The following DOCK3 variants were observed in gnomAD, a reference collection of about 807,000 sequenced individuals.
DOCK3 encodes dedicator of cytokinesis protein 3.
A neutral mutation model predicts 265.6 loss-of-function variants in DOCK3; 60 were observed. The observed-to-expected ratio is 0.23, with a 90% CI of 0.18 to 0.28. DOCK3 has a LOEUF of 0.28. Ranked by LOEUF, DOCK3 falls within the 10% of genes least tolerant of loss-of-function variation. DOCK3 has a pLI of 1.00. For synonymous variants in DOCK3, 881 were observed against 938.0 expected (o/e 0.94, Z 1.11); for missense variants, 1,981 against 2,594.3 (o/e 0.76, Z 5.14).
intron 3 of DOCK3, among the ~76,000 whole-genome samples, chr3:50,889,225 A>G (rs1369042667): frequency 1.3e-5 from 2 of 151,880 alleles, no homozygotes; most frequent in African/African-American, 4.8e-5. Context: ...CTAGGACTAC[A>G]GGTGTGCACC....
At chr3:50,905,968 A>G (rs1245010269) in intron 4 of DOCK3, among the ~76,000 whole-genome samples, 3 of 152,052 alleles carry the variant, frequency 2.0e-5, no homozygotes, top group African/African-American at 2.4e-5. Flanking sequence ...AGTTTTTAGC[A>G]TGAAGGGCTG....
chr3:50,688,784 G>A (rs2035017196), intron 1 of DOCK3, among the ~76,000 whole-genome samples: 1 of 152,032 alleles, frequency 6.6e-6, no homozygotes, highest in Non-Finnish European at 1.5e-5. Flanking sequence ...TTTAAATGCA[G>A]CTTTCTTTAT....
chr3:51,348,327 A>G lies in DOCK3; in HGVS notation c.3916-525A>G, dbSNP rs1325150528. Among the ~76,000 whole-genome samples the G allele has an allele frequency of 1.3e-5, 2 of 152,218 alleles. 1 individual carries two copies. The highest frequency in any genetic ancestry group is 1.3e-4 in the Admixed American group (2 of 15,278). On this transcript the variant is annotated intron_variant, in intron 38 of 52. Transcript: ENST00000266037. ...CAGACCTACTGCCAAGTCCTTGAGT[A>G]GGCATTTTCTTCTTGGTTTCCATAC...
At chr3:51,260,552 A>C (rs1434223848) in intron 23 of DOCK3, among the ~76,000 whole-genome samples, 1 of 152,202 alleles carries the variant, frequency 6.6e-6, no homozygotes, top group African/African-American at 2.4e-5. Flanking sequence ...TATGTTGGAG[A>C]AGAAGCACAA....
At chr3:51,171,250 A>T (rs2086662891) in intron 12 of DOCK3, among the ~76,000 whole-genome samples, 1 of 152,076 alleles carries the variant, frequency 6.6e-6, no homozygotes, top group Non-Finnish European at 1.5e-5. Context: ...ATTTTCATTT[A>T]TCTCAAGGTA....
At chr3:51,231,061 C>CA (rs2090525990) in intron 19 of DOCK3, among the ~76,000 whole-genome samples, 1 of 151,530 alleles carries the variant, frequency 6.6e-6, no homozygotes, top group African/African-American at 2.4e-5. Context: ...TACATTCCCA[C>CA]CAACAAGGTA....
chr3:50,913,498 G>T (rs559424839), intron 4 of DOCK3, among the ~76,000 whole-genome samples: 6 of 151,990 alleles, frequency 3.9e-5, no homozygotes, highest in Non-Finnish European at 8.8e-5. Flanking sequence ...CAGTCCACTG[G>T]CTCTGGGCCC....
intron 1 of DOCK3, among the ~76,000 whole-genome samples, chr3:50,751,447 G>A (rs749832970): frequency 6.6e-6 from 1 of 152,068 alleles, no homozygotes. Flanking sequence ...ACAGGCCTCA[G>A]TGTGTGATGT....
chr3:51,228,136 G>GTAGGTAA, intron 17 of DOCK3, 48 bp downstream of exon 17: 2 of 1,577,934 alleles, frequency 1.3e-6, no homozygotes, highest in Non-Finnish European at 1.7e-6. Flanking sequence ...CTGCCCTGAG[G>GTAGGTAA]CCACTCTCAC....
chr3:50,906,282 T>C (rs1282419455), intron 4 of DOCK3, among the ~76,000 whole-genome samples: 1 of 152,108 alleles, frequency 6.6e-6, no homozygotes, highest in Non-Finnish European at 1.5e-5. Flanking sequence ...CCTCATAAAA[T>C]GAGTTAGGGA....
intron 12 of DOCK3, among the ~76,000 whole-genome samples, chr3:51,177,162 A>C (rs2087006963): frequency 6.6e-6 from 1 of 152,242 alleles, no homozygotes; most frequent in African/African-American, 2.4e-5. Flanking sequence ...CAAGTTGATA[A>C]CATTTCTTGG....
At chr3:51,159,331 G>T (rs1241430284) in intron 11 of DOCK3, 27 bp downstream of exon 11, 1 of 1,604,594 alleles carries the variant, frequency 6.2e-7, no homozygotes, top group Non-Finnish European at 8.5e-7. Flanking sequence ...CCATTCACAT[G>T]ACTAAGAATG....
At chr3:50,923,527 C>T (rs2050611568) in intron 4 of DOCK3, among the ~76,000 whole-genome samples, 1 of 152,118 alleles carries the variant, frequency 6.6e-6, no homozygotes, top group African/African-American at 2.4e-5. Flanking sequence ...TTGCTCTTCT[C>T]TAAATTGTAG....
In DOCK3 at chr3:51,362,633, C is replaced by CTG; in HGVS notation, c.5252_5253insTG (p.Pro1752AspfsTer5). On this transcript the variant is annotated frameshift_variant, in exon 49 of 53. Coordinates refer to ENST00000266037, the MANE Select transcript of DOCK3 (RefSeq NM_004947.5). LOFTEE classifies it high-confidence loss of function. ...TCCAGCCTGAGTTCCACTCACTCAG[C>CTG]ACCATCCCAGATGATTACCTCTGCC... The CTG allele has an allele frequency of 6.2e-7, 1 of 1,613,960 alleles. No individual in the cohort carries two copies. The highest frequency in any genetic ancestry group is 8.5e-7 in the Non-Finnish European group (1 of 1,179,870).
Position 51,359,287 on chromosome 3 carries a change from T to G in DOCK3, c.4884+1210T>G, listed in dbSNP as rs1394921922. Among the ~76,000 whole-genome samples the G allele has an allele frequency of 6.6e-6, 1 of 152,058 alleles. No homozygotes were observed. Among genetic ancestry groups the G allele is most frequent in the African/African-American group, 2.4e-5 (1 of 41,332 alleles). On this transcript the variant is annotated intron_variant, in intron 46 of 52. Coordinates refer to ENST00000266037, the MANE Select transcript of DOCK3 (RefSeq NM_004947.5). The surrounding 1 kb of genome is among the most constrained non-coding windows in gnomAD (Gnocchi z 4.8). ...GCAGGTCTCAGCCTGTGTGGACAAG[T>G]GTGGACAGCATGAAAAGAGAAAAAG...
intron 22 of DOCK3, among the ~76,000 whole-genome samples, chr3:51,253,394 G>A (rs1341397758): frequency 2.6e-5 from 4 of 152,180 alleles, no homozygotes; most frequent in Admixed American, 6.5e-5. Flanking sequence ...GAGTTAGGGA[G>A]GATTCCCTCT....
chr3:51,237,700 A>C (rs556672641), intron 21 of DOCK3, 110 bp downstream of exon 21: 2 of 929,736 alleles, frequency 2.2e-6, no homozygotes, highest in Non-Finnish European at 1.6e-6. Context: ...CTTTTTAAAA[A>C]TTTTATATTT....
chr3:50,977,478 G>C (rs374868953), intron 5 of DOCK3, among the ~76,000 whole-genome samples: 2 of 152,116 alleles, frequency 1.3e-5, no homozygotes, highest in East Asian at 1.9e-4. Context: ...GGCCCCCACT[G>C]TCTTCTGGCT....
Position 50,823,697 on chromosome 3 carries a change from G to T in DOCK3, c.122-17978G>T, listed in dbSNP as rs564515517. 1.4e-4 allele frequency among the ~76,000 whole-genome samples: 22 copies of T among 152,306 alleles called. 1 individual carries two copies. The South Asian group carries it at 4.6e-3, about 32-fold the overall frequency. ...GCTGTTGGGTACACCTCCCAGACGG[G>T]GTGGTGGCCGGGCAGAGGGGCTCCT... On this transcript the variant is annotated intron_variant, in intron 2 of 52. Coordinates refer to ENST00000266037, the MANE Select transcript of DOCK3 (RefSeq NM_004947.5).
Sources: gnomAD v4.1 joint callset for allele counts (sites outside exome capture counted in the v4.1 genomes callset) on GRCh38, gnomAD v4.1.1 for gene constraint, Gnocchi (gnomAD v3.1) non-coding constraint, MANE v1.5 for transcripts, NCBI Gene and HGNC (gene_info 2026-07-23, HGNC 2026-07-21) for gene names.